Variants in SAMD5 observed in about 807,000 individuals in gnomAD.
SAMD5 encodes sterile alpha motif domain containing 5, also known as sterile alpha motif domain-containing protein 5.
Under a neutral mutation model 11.3 loss-of-function variants are expected in SAMD5, and 13 were observed. The observed-to-expected ratio is 1.15, with a 90% CI of 0.75 to 1.83. The LOEUF (loss-of-function observed/expected upper bound fraction) is 1.83. SAMD5 is among the 40% of genes most tolerant of loss of function. The probability of loss-of-function intolerance (pLI) is 0.00; values close to 1 mark genes in which losing one functional copy is unlikely to be tolerated. For synonymous variants in SAMD5, 129 were observed against 111.3 expected (o/e 1.16, Z -1.00); for missense variants, 255 against 239.1 (o/e 1.07, Z -0.44).
At chr6:147,879,281 G>A in the SAMD5 span, among the ~76,000 whole-genome samples, 1 of 152,154 alleles carries the variant, frequency 6.6e-6, no homozygotes, top group South Asian at 2.1e-4. Flanking sequence ...CCATGAAATG[G>A]CTCAGCCAGG....
intron 1 of SAMD5, among the ~76,000 whole-genome samples, chr6:147,690,990 G>T (rs1791093443): frequency 6.7e-6 from 1 of 148,412 alleles, no homozygotes; most frequent in South Asian, 2.1e-4. Flanking sequence ...TTTTTGGTGG[G>T]GATCGGGGGT....
intron 1 of SAMD5, among the ~76,000 whole-genome samples, chr6:147,670,585 G>A (rs772728262): frequency 6.6e-6 from 1 of 152,170 alleles, no homozygotes; most frequent in East Asian, 1.9e-4. Context: ...AGCACTTCCT[G>A]CTTCACCTTG....
the SAMD5 span, among the ~76,000 whole-genome samples, chr6:147,865,200 G>A: frequency 3.9e-5 from 6 of 152,198 alleles, no homozygotes; most frequent in East Asian, 9.7e-4. Context: ...CACACAGAGT[G>A]TTGGGTTTCA....
chr6:147,510,436 A>C (rs1213509357), intron 1 of SAMD5, among the ~76,000 whole-genome samples: 6 of 152,350 alleles, frequency 3.9e-5, no homozygotes, highest in African/African-American at 1.2e-4. Context: ...TGAGCACCTC[A>C]GCTTAAAAAT....
At chr6:147,610,312 G>T (rs1029434175) in intron 1 of SAMD5, among the ~76,000 whole-genome samples, 7 of 152,080 alleles carry the variant, frequency 4.6e-5, no homozygotes, top group African/African-American at 1.7e-4. Context: ...TAAAAAATAG[G>T]AGGAAAAAAA....
chr6:147,789,278 A>AAC, the SAMD5 span, among the ~76,000 whole-genome samples: 51,038 of 140,672 alleles, frequency 0.36, 9,481 homozygotes, highest in South Asian at 0.46. Flanking sequence ...TCTCTAGAAA[A>AAC]ACACACACAC....
At position 147,509,387 on chromosome 6, in the gene SAMD5, G is replaced by C; in HGVS notation, c.459G>C (p.Lys153Asn). Residue 153 changes from lysine to asparagine, a missense_variant and splice_region_variant, in exon 1 of 2, where the codon AAG becomes AAC. Lys to Asn is a moderately conservative substitution (Grantham distance 94, BLOSUM62 0). Transcript: ENST00000367474. ...IHLSKPPYSR[K>N]VPMAGILEYL... ...TGAGCAAGCCCCCGTACTCCCGCAAGGTAAGGAGGTGCCGTCCGGGCGGCC... is the reference window on the plus strand; with the variant it reads ...TGAGCAAGCCCCCGTACTCCCGCAACGTAAGGAGGTGCCGTCCGGGCGGCC... 6.5e-7 allele frequency: 1 copy of C among 1,531,084 alleles called. No individual in the cohort carries two copies. The highest frequency in any genetic ancestry group is 8.8e-7 in the Non-Finnish European group (1 of 1,140,300). 94.8% of individuals were successfully genotyped at this position (1,531,084 alleles called of 1,614,324 possible).
At chr6:147,781,651 G>A in the SAMD5 span, among the ~76,000 whole-genome samples, 1 of 151,928 alleles carries the variant, frequency 6.6e-6, no homozygotes, top group Admixed American at 6.6e-5. Context: ...GTAAATAGGG[G>A]TAATAACAGA....
intron 1 of SAMD5, among the ~76,000 whole-genome samples, chr6:147,722,898 A>T (rs895753711): frequency 6.6e-6 from 1 of 152,174 alleles, no homozygotes; most frequent in Non-Finnish European, 1.5e-5. Flanking sequence ...TGTTGTTATT[A>T]TAATTAATCT....
intron 1 of SAMD5, among the ~76,000 whole-genome samples, chr6:147,627,416 A>G (rs1487008383): frequency 6.6e-6 from 1 of 152,226 alleles, no homozygotes; most frequent in African/African-American, 2.4e-5. Flanking sequence ...TGGGGGTTTG[A>G]CAGGAAAGTG....
chr6:147,885,574 G>A, the SAMD5 span, among the ~76,000 whole-genome samples: 3 of 151,976 alleles, frequency 2.0e-5, no homozygotes, highest in East Asian at 3.9e-4. Flanking sequence ...GAGGAAATAA[G>A]ACATTTTAAG....
chr6:147,677,320 AGGT>A (rs977341437), intron 1 of SAMD5, among the ~76,000 whole-genome samples: 37 of 152,116 alleles, frequency 2.4e-4, no homozygotes, highest in African/African-American at 8.7e-4. Flanking sequence ...TTCCTGAATG[AGGT>A]GGAGGAGGGG....
the SAMD5 span, among the ~76,000 whole-genome samples, chr6:147,913,163 T>A: frequency 1.3e-5 from 2 of 152,156 alleles, no homozygotes; most frequent in South Asian, 4.2e-4. Flanking sequence ...TTGAAACAAG[T>A]CAACCTGATT....
chr6:147,845,530 CA>C, the SAMD5 span, among the ~76,000 whole-genome samples: 1 of 152,018 alleles, frequency 6.6e-6, no homozygotes, highest in Non-Finnish European at 1.5e-5. Context: ...AAAGAACTCT[CA>C]AAACTCAACA....
chr6:147,590,477 A>G (rs928467772), intron 1 of SAMD5, among the ~76,000 whole-genome samples: 1 of 152,098 alleles, frequency 6.6e-6, no homozygotes, highest in South Asian at 2.1e-4. Context: ...CAGTGGCATG[A>G]TCTCAGCTCA....
intron 1 of SAMD5, among the ~76,000 whole-genome samples, chr6:147,580,775 G>C (rs1789286248): frequency 6.6e-6 from 1 of 151,644 alleles, no homozygotes; most frequent in African/African-American, 2.4e-5. Context: ...AGTTTATCTA[G>C]CTTTTAAAGA....
At chr6:147,696,906 A>G (rs1043846005) in intron 1 of SAMD5, among the ~76,000 whole-genome samples, 27 of 152,190 alleles carry the variant, frequency 1.8e-4, no homozygotes, top group African/African-American at 6.5e-4. Flanking sequence ...AAAGAAAAAA[A>G]TATTTAGCAT....
At chr6:147,611,925 T>C (rs1199892520) in intron 1 of SAMD5, among the ~76,000 whole-genome samples, 2 of 152,198 alleles carry the variant, frequency 1.3e-5, no homozygotes, top group Non-Finnish European at 2.9e-5. Flanking sequence ...GAACTTCTGA[T>C]TATCTTCCCA....
the SAMD5 span, among the ~76,000 whole-genome samples, chr6:147,916,004 T>C: frequency 2.7e-3 from 413 of 150,910 alleles, 8 homozygotes; most frequent in South Asian, 0.014. Context: ...ATGCGGTGTT[T>C]GGTTTTTTTG....
Sources: allele counts gnomAD v4.1 joint callset (sites outside exome capture counted in the v4.1 genomes callset), GRCh38; gene constraint gnomAD v4.1.1; transcripts MANE v1.5; gene names NCBI Gene and HGNC (gene_info 2026-07-23, HGNC 2026-07-21).